DYNC1I1: variants seen among roughly 807,000 people sequenced by gnomAD.
The protein encoded by DYNC1I1 is dynein cytoplasmic 1 intermediate chain 1.
A neutral mutation model predicts 86.6 loss-of-function variants in DYNC1I1; 43 were observed. That is an observed-to-expected ratio of 0.50 (90% CI 0.39 to 0.64). The LOEUF (loss-of-function observed/expected upper bound fraction) is 0.64. Ranked by LOEUF, DYNC1I1 falls within the 30% of genes least tolerant of loss-of-function variation. The pLI, the probability that DYNC1I1 is intolerant of heterozygous loss-of-function variation, is 0.00. For synonymous variants in DYNC1I1, 262 were observed against 283.7 expected (o/e 0.92, Z 0.77); for missense variants, 604 against 788.8 (o/e 0.77, Z 2.81).
intron 6 of DYNC1I1, among the ~76,000 whole-genome samples, chr7:95,878,426 C>T (rs943326103): frequency 6.6e-6 from 1 of 151,870 alleles, no homozygotes; most frequent in Admixed American, 6.6e-5. Context: ...GAGTTCAGTA[C>T]AAAAACTGAA....
chr7:96,009,770 G>A (rs1434926715), intron 10 of DYNC1I1, among the ~76,000 whole-genome samples: 3 of 151,782 alleles, frequency 2.0e-5, no homozygotes, highest in African/African-American at 7.3e-5. Context: ...CTCATCACTG[G>A]GGCAGATGAC....
intron 2 of DYNC1I1, among the ~76,000 whole-genome samples, chr7:95,806,936 C>A (rs1335594675): frequency 6.6e-6 from 1 of 152,112 alleles, no homozygotes; most frequent in African/African-American, 2.4e-5. Context: ...GGCTGGGAAA[C>A]CTGGATCTGC....
intron 6 of DYNC1I1, among the ~76,000 whole-genome samples, chr7:95,878,809 G>T (rs1001487886): frequency 1.3e-5 from 2 of 151,850 alleles, no homozygotes; most frequent in African/African-American, 4.8e-5. Context: ...CAAAGACAAG[G>T]AAAATATCCT....
chr7:95,892,328 G>A (rs1013252262), intron 6 of DYNC1I1, among the ~76,000 whole-genome samples: 5 of 151,612 alleles, frequency 3.3e-5, no homozygotes, highest in Admixed American at 6.6e-5. Flanking sequence ...TCTTCCCCCC[G>A]AGACAGAGTC....
At chr7:95,962,173 G>A (rs529213247) in intron 6 of DYNC1I1, among the ~76,000 whole-genome samples, 3 of 152,244 alleles carry the variant, frequency 2.0e-5, no homozygotes, top group African/African-American at 7.2e-5. Flanking sequence ...CCTTTACTCT[G>A]CCCATCCTAC....
At chr7:95,861,705 C>T (rs1360107418) in intron 5 of DYNC1I1, among the ~76,000 whole-genome samples, 1 of 151,982 alleles carries the variant, frequency 6.6e-6, no homozygotes, top group African/African-American at 2.4e-5. Context: ...TCAGAGTATC[C>T]GAATGTGAAT....
intron 10 of DYNC1I1, among the ~76,000 whole-genome samples, chr7:95,997,556 T>C (rs1793896478): frequency 6.6e-6 from 1 of 151,180 alleles, no homozygotes; most frequent in East Asian, 2.0e-4. Flanking sequence ...CAATAGTTAA[T>C]ACTAGTATTA....
rs146652766 is a variant in DYNC1I1 at position 95,942,084 on chromosome 7, C to G, written c.491-35428C>G. Reference sequence around the variant, plus strand: ...TTCAAAGAATTAATGAATCCAGGAGCTGGTTTTTTGAAAGGATCAACAAAA... The same window carrying G: ...TTCAAAGAATTAATGAATCCAGGAGGTGGTTTTTTGAAAGGATCAACAAAA... On this transcript the variant is annotated intron_variant, in intron 6 of 16. Transcript: ENST00000447467. 6.1e-3 allele frequency among the ~76,000 whole-genome samples: 935 copies of G among 152,196 alleles called. 3 individuals are homozygous for G. Among genetic ancestry groups the G allele is most frequent in the Non-Finnish European group, 9.7e-3 (662 of 67,996 alleles).
chr7:95,788,047 G>A (rs1192141646), intron 1 of DYNC1I1, among the ~76,000 whole-genome samples: 1 of 152,166 alleles, frequency 6.6e-6, no homozygotes, highest in Non-Finnish European at 1.5e-5. Flanking sequence ...AAGTGATAGG[G>A]TTGTGTTGTG....
intron 4 of DYNC1I1, among the ~76,000 whole-genome samples, 171 bp from the exon 5 acceptor site, chr7:95,827,886 C>A (rs41278815): frequency 6.6e-6 from 1 of 151,814 alleles, no homozygotes. Flanking sequence ...GATGGCTCCT[C>A]GATTTCTCTT....
At chr7:95,885,095 A>G (rs1461977554) in intron 6 of DYNC1I1, among the ~76,000 whole-genome samples, 1 of 152,188 alleles carries the variant, frequency 6.6e-6, no homozygotes, top group Non-Finnish European at 1.5e-5. Flanking sequence ...ATATCTTTTC[A>G]TTTCTAGAAA....
downstream of DYNC1I1, chr7:96,098,425 G>A: frequency 1.0e-6 from 1 of 985,352 alleles, no homozygotes. Flanking sequence ...TTTCAAACCA[G>A]GTCTGCACCA....
intron 6 of DYNC1I1, among the ~76,000 whole-genome samples, chr7:95,886,463 C>CA (rs1361197559): frequency 1.3e-5 from 2 of 149,658 alleles, no homozygotes; most frequent in Non-Finnish European, 1.5e-5. Context: ...AACAAACAAG[C>CA]AAAAAAACCC....
At chr7:95,847,909 C>A (rs1338416914) in intron 5 of DYNC1I1, among the ~76,000 whole-genome samples, 1 of 152,316 alleles carries the variant, frequency 6.6e-6, no homozygotes, top group South Asian at 2.1e-4. Flanking sequence ...CCATTATACT[C>A]TCCTGCCTTA....
intron 6 of DYNC1I1, among the ~76,000 whole-genome samples, chr7:95,907,276 G>A (rs766053534): frequency 6.6e-6 from 1 of 152,166 alleles, no homozygotes; most frequent in Non-Finnish European, 1.5e-5. Flanking sequence ...ACTCTCATGA[G>A]TGTAAGTGAG....
chr7:95,975,885 A>C (rs535912778), intron 6 of DYNC1I1, among the ~76,000 whole-genome samples: 1 of 152,186 alleles, frequency 6.6e-6, no homozygotes, highest in Non-Finnish European at 1.5e-5. Flanking sequence ...TCTTCACTAG[A>C]CTTTGTGTTT....
At chr7:96,005,624 G>T (rs1339019127) in intron 10 of DYNC1I1, among the ~76,000 whole-genome samples, 1 of 151,968 alleles carries the variant, frequency 6.6e-6, no homozygotes, top group African/African-American at 2.4e-5. Context: ...AACAACTCCT[G>T]GAAAAGAACT....
chr7:95,891,482 G>A (rs1790737709), intron 6 of DYNC1I1, among the ~76,000 whole-genome samples: 1 of 152,154 alleles, frequency 6.6e-6, no homozygotes. Context: ...ATGTCTCTGG[G>A]CATCTGGGCT....
intron 4 of DYNC1I1, among the ~76,000 whole-genome samples, chr7:95,813,899 C>G (rs989752033): frequency 8.5e-5 from 13 of 152,064 alleles, no homozygotes; most frequent in African/African-American, 3.1e-4. Context: ...TTGTATTACA[C>G]TATGTAGACT....
Sources: gnomAD v4.1 joint callset for allele counts (sites outside exome capture counted in the v4.1 genomes callset) on GRCh38, gnomAD v4.1.1 for gene constraint, MANE v1.5 for transcripts, NCBI Gene and HGNC (gene_info 2026-07-23, HGNC 2026-07-21) for gene names.